CHD1: variants seen among roughly 807,000 people sequenced by gnomAD.
CHD1 encodes the protein chromodomain helicase DNA binding protein 1.
CHD1 carries 36 observed loss-of-function variants against 224.2 expected under a neutral mutation model. That is an observed-to-expected ratio of 0.16 (90% CI 0.12 to 0.21). CHD1 has a LOEUF of 0.21. Among genes scored for constraint, CHD1 ranks in the 10% least tolerant of loss-of-function variants. CHD1 has a pLI of 1.00. For synonymous variants in CHD1, 668 were observed against 658.3 expected, an observed-to-expected ratio of 1.01 and a Z score of -0.23; for missense variants, 1,378 against 1,994.8, an observed-to-expected ratio of 0.69 and a Z score of 5.89.
rs984417884 is a variant in CHD1 at position 98,879,641 on chromosome 5, C to T, written c.3148G>A (p.Asp1050Asn). 3 of 1,609,320 alleles carry T rather than the reference C, an allele frequency of 1.9e-6. No individual in the cohort carries two copies. Among genetic ancestry groups the T allele is most frequent in the Non-Finnish European group, 2.5e-6 (3 of 1,178,082 alleles). ...TCTTCTTCTAATCGTCTTCTTTGAT[C>T]TTCTGGAATAATTTCCTCCCAATTC... ...SKNWEEIIPE[D>N]QRRRLEEEER... The change falls in exon 23 of 36, where the codon GAT (aspartate) becomes AAT (asparagine). Residue 1050 changes from aspartate to asparagine, a missense_variant. By Grantham distance (23) the Asp-to-Asn change is conservative (BLOSUM62 1). Around this residue, in one of 16 missense-constraint regions of CHD1, gnomAD observed 286 missense variants for 445.1 expected, o/e 0.64. Transcript: ENST00000614616.
intron 33 of CHD1, among the ~76,000 whole-genome samples, chr5:98,859,554 G>A (rs956518696): frequency 6.6e-6 from 1 of 151,960 alleles, no homozygotes; most frequent in African/African-American, 2.4e-5. Flanking sequence ...CGTCAAGTAG[G>A]GCTTGTCTGA....
intron 2 of CHD1, among the ~76,000 whole-genome samples, chr5:98,916,237 A>G (rs1027281432): frequency 6.6e-6 from 1 of 152,016 alleles, no homozygotes; most frequent in African/African-American, 2.4e-5. Flanking sequence ...GATTATTGAT[A>G]TTTAGTTTGC....
chr5:98,874,018 T>C (rs1749556127), intron 25 of CHD1, among the ~76,000 whole-genome samples: 1 of 152,194 alleles, frequency 6.6e-6, no homozygotes, highest in Non-Finnish European at 1.5e-5. Flanking sequence ...CAGAATGAAG[T>C]GGTAAAGCTT....
chr5:98,872,136 G>T lies in CHD1; in HGVS notation c.3776C>A (p.Ser1259Tyr). 1 of 1,613,452 alleles carries T rather than the reference G, an allele frequency of 6.2e-7. No homozygotes were observed. Among genetic ancestry groups the T allele is most frequent in the Non-Finnish European group, 8.5e-7 (1 of 1,179,530 alleles). The change falls in exon 28 of 36, where the codon TCC becomes TAC. Residue 1259 changes from serine (S) to tyrosine (Y), a missense_variant. Physicochemically the swap from Ser to Tyr is moderately radical, Grantham distance 144. Coordinates refer to ENST00000614616, the MANE Select transcript of CHD1 (RefSeq NM_001270.4). ...FDIDWGKEDD[S>Y]NLLIGIYEYG... ...TTCATAGATGCCAATTAACAAATTG[G>T]AATCATCTTCTTTGCCCCAGTCTAT...
intron 32 of CHD1, among the ~76,000 whole-genome samples, chr5:98,861,132 A>C (rs1470643925): frequency 1.3e-5 from 2 of 152,220 alleles, no homozygotes; most frequent in African/African-American, 4.8e-5. Flanking sequence ...CACAAACCTA[A>C]GAATTAGTGC....
chr5:98,887,021 T>G (rs1166727769), intron 17 of CHD1, among the ~76,000 whole-genome samples: 1 of 152,130 alleles, frequency 6.6e-6, no homozygotes, highest in Non-Finnish European at 1.5e-5. Context: ...ACAAGAGGAA[T>G]AGCTAAAGGC....
intron 2 of CHD1, among the ~76,000 whole-genome samples, chr5:98,911,145 AAATATATATAT>A (rs1449009724): frequency 9.4e-5 from 9 of 95,410 alleles, no homozygotes; most frequent in African/African-American, 2.8e-4. Flanking sequence ...AAAAAAAAAA[AAATATATATAT>A]ATATATATAT....
rs13188083 is a variant in CHD1, at chr5:98,909,537, A to G, written c.54-4439T>C. Reference sequence around the variant, plus strand: ...GCATTTTTAGCAGCCACTGATGATGATATGTCTTCCTCCATTAATAAGAGG... The same window carrying G: ...GCATTTTTAGCAGCCACTGATGATGGTATGTCTTCCTCCATTAATAAGAGG... On this transcript the variant is annotated intron_variant, in intron 2 of 35. Coordinates refer to ENST00000614616, the MANE Select transcript of CHD1 (RefSeq NM_001270.4). Among the ~76,000 whole-genome samples, 864 of 152,238 alleles carry G rather than the reference A, an allele frequency of 5.7e-3. 4 individuals are homozygous for G. Among genetic ancestry groups the G allele is most frequent in the Non-Finnish European group, 9.3e-3 (629 of 67,968 alleles).
intron 5 of CHD1, among the ~76,000 whole-genome samples, chr5:98,901,552 T>C (rs1751713242): frequency 6.6e-6 from 1 of 152,188 alleles, no homozygotes; most frequent in African/African-American, 2.4e-5. Flanking sequence ...CACTTAGTTA[T>C]ACGTCAGTGA....
At chr5:98,923,544 G>A (rs894986895) in intron 2 of CHD1, among the ~76,000 whole-genome samples, 1 of 151,096 alleles carries the variant, frequency 6.6e-6, no homozygotes, top group African/African-American at 2.4e-5. Flanking sequence ...CCTCAGCCTC[G>A]CGAGCAGCTG....
Position 98,879,780 on chromosome 5 carries a change from A to G in CHD1, c.3061-52T>C, listed in dbSNP as rs562369562. The G allele has an allele frequency of 2.9e-5, 39 of 1,329,390 alleles. No individual in the cohort carries two copies. The East Asian group carries it at 7.6e-4, about 26-fold the overall frequency. The allele number at this position is 1,329,390 out of a possible 1,614,324, so 82.3% of individuals were successfully genotyped here. A position where few individuals can be genotyped will look rare whatever the true frequency, so the allele number is the denominator to read the frequency against. ...AACTGTTACAGAAAAATTGATCCCT[A>G]AAAGTTTTTTTTAAGGGGAAGAACT... On this transcript the variant is annotated intron_variant, in intron 22 of 35. Coordinates refer to ENST00000614616, the MANE Select transcript of CHD1 (RefSeq NM_001270.4).
At position 98,902,881 on chromosome 5, in the gene CHD1, G is replaced by C. The variant is rs1751811576; in HGVS notation, c.437+19C>G. On this transcript the variant is annotated intron_variant, in intron 5 of 35. Transcript: ENST00000614616. Reference sequence around the variant, plus strand: ...GGATTTTTCTAAAATGAAGTAGTCAGTTGAACAAAATGACATACTCTTTAT... The same window carrying C: ...GGATTTTTCTAAAATGAAGTAGTCACTTGAACAAAATGACATACTCTTTAT... 3 of 1,513,262 alleles carry C rather than the reference G, an allele frequency of 2.0e-6. No individual in the cohort carries two copies. Among genetic ancestry groups the C allele is most frequent in the Non-Finnish European group, 2.7e-6 (3 of 1,101,146 alleles). 93.7% of individuals were successfully genotyped at this position (1,513,262 alleles called of 1,614,324 possible). A position where few individuals can be genotyped will look rare whatever the true frequency, so the allele number is the denominator to read the frequency against.
intron 23 of CHD1, 115 bp downstream of exon 23, chr5:98,879,437 T>C: frequency 1.2e-6 from 1 of 816,416 alleles, no homozygotes; most frequent in East Asian, 2.8e-5. Context: ...CATTATCAAA[T>C]CAAGGCCATT....
At chr5:98,870,038 A>T (rs2112308682) in intron 29 of CHD1, among the ~76,000 whole-genome samples, 156 bp from the exon 30 acceptor site, 1 of 152,354 alleles carries the variant, frequency 6.6e-6, no homozygotes, top group East Asian at 1.9e-4. Flanking sequence ...TAAAGGTGAT[A>T]TAACTTAATG....
At position 98,926,360 on chromosome 5, in the gene CHD1, A is replaced by T; in HGVS notation, c.27T>A (p.Ser9Arg). The change falls in exon 2 of 36, where the codon AGT becomes AGA. Residue 9 changes from serine to arginine, a missense_variant. Around this residue, in one of 16 missense-constraint regions of CHD1, gnomAD observed 306 missense variants for 298.1 expected, o/e 1.03. Coordinates refer to ENST00000614616, the MANE Select transcript of CHD1 (RefSeq NM_001270.4). Reference sequence around the variant, plus strand: ...TTGATTCTCCACTACTGTTTCTAACACTTTCTTCATCACTGTGTCCATTCA... The same window carrying T: ...TTGATTCTCCACTACTGTTTCTAACTCTTTCTTCATCACTGTGTCCATTCA... MNGHSDEESVRNSSGESSQ... is the reference protein window; with the variant it reads MNGHSDEERVRNSSGESSQ... The T allele has an allele frequency of 6.5e-7, 1 of 1,529,900 alleles. No homozygotes were observed. Among genetic ancestry groups the T allele is most frequent in the Non-Finnish European group, 8.8e-7 (1 of 1,138,358 alleles). 94.8% of individuals were successfully genotyped at this position (1,529,900 alleles called of 1,614,324 possible).
At chr5:98,916,545 CA>C (rs33988135) in intron 2 of CHD1, among the ~76,000 whole-genome samples, 1,538 of 40,432 alleles carry the variant, frequency 0.038, 3 homozygotes, top group Middle Eastern at 0.083. Context: ...AACTCCGTCT[CA>C]AAAAAAAAAA....
At chr5:98,914,968 T>C (rs1752645289) in intron 2 of CHD1, among the ~76,000 whole-genome samples, 2 of 152,230 alleles carry the variant, frequency 1.3e-5, no homozygotes. Context: ...CACTTTAGCA[T>C]GACTGTAGAA....
intron 16 of CHD1, among the ~76,000 whole-genome samples, chr5:98,888,828 G>C (rs1252918645): frequency 2.0e-5 from 3 of 152,092 alleles, no homozygotes; most frequent in Non-Finnish European, 1.5e-5. Context: ...GGATTTTCTT[G>C]CTGGATAAGT....
intron 1 of CHD1, among the ~76,000 whole-genome samples, chr5:98,928,155 C>T (rs1007432524): frequency 6.6e-6 from 1 of 151,980 alleles, no homozygotes; most frequent in Non-Finnish European, 1.5e-5. Context: ...CCCGCGCCCT[C>T]CCAGGCTCGC....
Sources: allele counts gnomAD v4.1 joint callset (sites outside exome capture counted in the v4.1 genomes callset), GRCh38; gene constraint gnomAD v4.1.1; regional missense constraint gnomAD v4.1.1; transcripts MANE v1.5; gene names NCBI Gene and HGNC (gene_info 2026-07-23, HGNC 2026-07-21).